Variants in VCL observed in about 807,000 individuals in gnomAD.
VCL encodes epididymis luminal protein 114.
Under a neutral mutation model 125.7 loss-of-function variants are expected in VCL, and 47 were observed. The ratio of observed to expected loss-of-function variants is 0.37; its 90% confidence interval spans 0.30 to 0.48. The LOEUF (loss-of-function observed/expected upper bound fraction) is 0.48. Among genes scored for constraint, VCL ranks in the 20% least tolerant of loss-of-function variants. The pLI is 0.99. For synonymous variants in VCL, 458 were observed against 514.6 expected (o/e 0.89, Z 1.49); for missense variants, 1,069 against 1,455.5 (o/e 0.73, Z 4.32).
At chr10:74,059,343 A>G (rs1841438174) in intron 2 of VCL, among the ~76,000 whole-genome samples, 1 of 151,608 alleles carries the variant, frequency 6.6e-6, no homozygotes, top group African/African-American at 2.4e-5. Flanking sequence ...GTGACAGAGC[A>G]AGACTCCACT....
intron 1 of VCL, among the ~76,000 whole-genome samples, chr10:74,035,859 T>G (rs1840966092): frequency 6.6e-6 from 1 of 152,178 alleles, no homozygotes; most frequent in South Asian, 2.1e-4. Context: ...CATGTACAGA[T>G]TTTTTCCTTG....
At chr10:73,998,738 G>T (rs1202641832) in intron 1 of VCL, among the ~76,000 whole-genome samples, 2 of 152,238 alleles carry the variant, frequency 1.3e-5, no homozygotes, top group Admixed American at 1.3e-4. Flanking sequence ...GCCCCGCGCA[G>T]GCTTCGCCCC....
At chr10:74,024,528 T>C (rs1287395101) in intron 1 of VCL, among the ~76,000 whole-genome samples, 1 of 151,936 alleles carries the variant, frequency 6.6e-6, no homozygotes, top group Non-Finnish European at 1.5e-5. Flanking sequence ...GGAGAATTGC[T>C]TGAACTCGGG....
At chr10:74,083,025 A>G (rs1238708519) in intron 7 of VCL, among the ~76,000 whole-genome samples, 1 of 135,740 alleles carries the variant, frequency 7.4e-6, no homozygotes, top group Non-Finnish European at 1.6e-5. Context: ...TCTGTTTTAG[A>G]TTAATATTTG....
intron 1 of VCL, among the ~76,000 whole-genome samples, chr10:74,025,547 A>C (rs1439632065): frequency 6.6e-6 from 1 of 150,810 alleles, no homozygotes; most frequent in African/African-American, 2.4e-5. Context: ...TCGGAAGGTC[A>C]AGGTTGCAGT....
At chr10:74,014,844 T>C (rs893502730) in intron 1 of VCL, among the ~76,000 whole-genome samples, 8 of 152,016 alleles carry the variant, frequency 5.3e-5, no homozygotes, top group Admixed American at 2.0e-4. Flanking sequence ...TGCACTACCA[T>C]ACCTGGCTAA....
chr10:74,060,655 CAAA>C (rs11398822), intron 2 of VCL, among the ~76,000 whole-genome samples: 1 of 109,242 alleles, frequency 9.2e-6, no homozygotes. Context: ...GACTCTGTCT[CAAA>C]AAAAAAAAAA....
chr10:74,114,413 G>A, intron 20 of VCL, 26 bp downstream of exon 20: 2 of 1,160,574 alleles, frequency 1.7e-6, no homozygotes, highest in Non-Finnish European at 2.3e-6. Flanking sequence ...GGCTGCGTGT[G>A]TGTGTGTGTG....
chr10:74,032,709 AAT>A (rs71482564), intron 1 of VCL, among the ~76,000 whole-genome samples: 3,594 of 137,986 alleles, frequency 0.026, 117 homozygotes, highest in African/African-American at 0.084. Flanking sequence ...CAAAAAAAAA[AAT>A]ATATATATAT....
chr10:74,060,350 A>G (rs1042330094), intron 2 of VCL, among the ~76,000 whole-genome samples: 2 of 151,914 alleles, frequency 1.3e-5, no homozygotes, highest in Non-Finnish European at 2.9e-5. Flanking sequence ...AGTCTAAAAG[A>G]ACCCTTAAAA....
intron 6 of VCL, among the ~76,000 whole-genome samples, chr10:74,082,033 G>C (rs1591694891): frequency 6.6e-6 from 1 of 152,270 alleles, no homozygotes; most frequent in Non-Finnish European, 1.5e-5. Flanking sequence ...ACTGTGATTT[G>C]TGGCACCACA....
At chr10:74,077,437 C>G (rs1212337617) in intron 6 of VCL, 1 of 179,466 alleles carries the variant, frequency 5.6e-6, no homozygotes, top group African/African-American at 2.4e-5. Flanking sequence ...GTAATCATTT[C>G]TATTGGTTAT....
intron 8 of VCL, among the ~76,000 whole-genome samples, chr10:74,086,490 T>G (rs1485372917): frequency 6.6e-6 from 1 of 152,218 alleles, no homozygotes; most frequent in Non-Finnish European, 1.5e-5. Context: ...AAAAAGAAGT[T>G]TTGTTCTCAT....
intron 10 of VCL, among the ~76,000 whole-genome samples, chr10:74,093,242 AG>A (rs1839916599): frequency 6.6e-6 from 1 of 152,136 alleles, no homozygotes; most frequent in Non-Finnish European, 1.5e-5. Context: ...GGTTGCAGTG[AG>A]CCGAGATCGT....
intron 5 of VCL, 120 bp from the exon 6 acceptor site, chr10:74,074,623 G>T: frequency 9.1e-7 from 1 of 1,099,462 alleles, no homozygotes; most frequent in African/African-American, 1.6e-5. Flanking sequence ...TGTTTGTTTT[G>T]TATACTCATT....
intron 2 of VCL, among the ~76,000 whole-genome samples, chr10:74,055,640 G>A (rs947264044): frequency 6.6e-6 from 1 of 151,912 alleles, no homozygotes; most frequent in Non-Finnish European, 1.5e-5. Flanking sequence ...TAGCCACCAC[G>A]CCTGGCCAAT....
chr10:74,105,381 C>CTA (rs1289447503), intron 16 of VCL, 28 bp downstream of exon 16: 2 of 1,611,736 alleles, frequency 1.2e-6, no homozygotes, highest in Non-Finnish European at 8.5e-7. Flanking sequence ...CTATGTCTCA[C>CTA]CTCCACTGAG....
chr10:74,052,146 T>C (rs576551814), intron 2 of VCL, among the ~76,000 whole-genome samples: 1 of 152,288 alleles, frequency 6.6e-6, no homozygotes, highest in East Asian at 1.9e-4. Flanking sequence ...TAAGGTGACC[T>C]ATCACCCTGG....
At position 74,113,002 on chromosome 10, in the gene VCL, C is replaced by T. The variant is rs576075271; in HGVS notation, c.2949+890C>T. 2.0e-3 allele frequency among the ~76,000 whole-genome samples: 305 copies of T among 152,278 alleles called. 9 individuals are homozygous for T. In the South Asian group the frequency reaches 0.061, roughly 30 times the overall value. ...CTTCTTCCCATACCTGCGTTCTCTC[C>T]GGCCTCAATTACTGCCTGAGATGTT... On this transcript the variant is annotated intron_variant, in intron 19 of 21. Coordinates refer to ENST00000211998, the MANE Select transcript of VCL (RefSeq NM_014000.3).
Sources: allele counts gnomAD v4.1 joint callset (sites outside exome capture counted in the v4.1 genomes callset), GRCh38; gene constraint gnomAD v4.1.1; transcripts MANE v1.5; gene names NCBI Gene and HGNC (gene_info 2026-07-23, HGNC 2026-07-21).